The following ERC2 variants were observed in gnomAD, a reference collection of about 807,000 sequenced individuals.
The protein encoded by ERC2 is ERC protein 2.
A neutral mutation model predicts 114.8 loss-of-function variants in ERC2; 42 were observed. The observed-to-expected ratio is 0.37, with a 90% CI of 0.29 to 0.47. The LOEUF (loss-of-function observed/expected upper bound fraction) is 0.47. Among genes scored for constraint, ERC2 ranks in the 20% least tolerant of loss-of-function variants. ERC2 has a pLI of 0.99. For missense variants in ERC2, 939 were observed against 1,150.7 expected (o/e 0.82, Z 2.66); for synonymous variants, 454 against 425.5 (o/e 1.07, Z -0.82).
In ERC2 at chr3:56,080,806, C is replaced by A; in HGVS notation, c.1641+11G>T. On this transcript the variant is annotated intron_variant, in intron 7 of 17. Transcript: ENST00000288221. Reference sequence around the variant, plus strand: ...GATACCCCACTTGAAGGTCTTATGTCAGCTACTCACCTTTTTCTGAAGAAC... The same window carrying A: ...GATACCCCACTTGAAGGTCTTATGTAAGCTACTCACCTTTTTCTGAAGAAC... The A allele has an allele frequency of 6.2e-7, 1 of 1,612,192 alleles. No individual in the cohort carries two copies. The highest frequency in any genetic ancestry group is 1.1e-5 in the South Asian group (1 of 90,826).
intron 14 of ERC2, among the ~76,000 whole-genome samples, chr3:55,882,498 G>A (rs1432847447): frequency 6.6e-6 from 1 of 152,182 alleles, no homozygotes; most frequent in South Asian, 2.1e-4. Flanking sequence ...TTCCACATTT[G>A]TGGATTCAAT....
intron 17 of ERC2, among the ~76,000 whole-genome samples, chr3:55,601,062 C>T (rs944264682): frequency 1.3e-5 from 2 of 152,178 alleles, no homozygotes; most frequent in African/African-American, 2.4e-5. Flanking sequence ...GTAACACAAA[C>T]GAAGGAAGTG....
At chr3:56,063,842 G>A (rs1181097506) in intron 7 of ERC2, among the ~76,000 whole-genome samples, 1 of 152,158 alleles carries the variant, frequency 6.6e-6, no homozygotes, top group Non-Finnish European at 1.5e-5. Flanking sequence ...ATACTTCTCT[G>A]TACATACATA....
At chr3:56,011,659 C>A (rs188976253) in intron 8 of ERC2, among the ~76,000 whole-genome samples, 1 of 151,836 alleles carries the variant, frequency 6.6e-6, no homozygotes, top group Non-Finnish European at 1.5e-5. Context: ...ATTCCATCTG[C>A]GTAAAGCTTG....
chr3:56,073,760 T>G (rs1050824779), intron 7 of ERC2, among the ~76,000 whole-genome samples: 2 of 152,174 alleles, frequency 1.3e-5, no homozygotes, highest in African/African-American at 4.8e-5. Flanking sequence ...TCAAATCATC[T>G]TTTGAGGTCT....
At chr3:56,228,138 C>A (rs80337357) in intron 3 of ERC2, among the ~76,000 whole-genome samples, 2 of 152,118 alleles carry the variant, frequency 1.3e-5, no homozygotes, top group Non-Finnish European at 2.9e-5. Context: ...AGGAAACTTC[C>A]TATATTTTCA....
At chr3:55,716,689 C>T (rs2064139575) in intron 15 of ERC2, among the ~76,000 whole-genome samples, 2 of 152,148 alleles carry the variant, frequency 1.3e-5, no homozygotes, top group African/African-American at 2.4e-5. Flanking sequence ...CTCTGTGGAT[C>T]AACTGTCTGT....
chr3:55,704,265 C>T (rs1430860500), intron 15 of ERC2, among the ~76,000 whole-genome samples: 1 of 152,140 alleles, frequency 6.6e-6, no homozygotes. Context: ...GAGTGATAAA[C>T]ACATTGAATT....
chr3:55,978,748 A>C (rs1447024407), intron 12 of ERC2, among the ~76,000 whole-genome samples: 1 of 152,234 alleles, frequency 6.6e-6, no homozygotes, highest in African/African-American at 2.4e-5. Context: ...GTGCTATAGC[A>C]ATGATGATGT....
At chr3:55,680,794 A>G (rs1310302750) in intron 17 of ERC2, among the ~76,000 whole-genome samples, 1 of 152,218 alleles carries the variant, frequency 6.6e-6, no homozygotes, top group Non-Finnish European at 1.5e-5. Context: ...GCATAAGAAA[A>G]CAAGAGTGTG....
At chr3:56,369,488 TA>T (rs2059279698) in intron 2 of ERC2, among the ~76,000 whole-genome samples, 2 of 152,186 alleles carry the variant, frequency 1.3e-5, no homozygotes, top group African/African-American at 4.8e-5. Flanking sequence ...TACAATCTAT[TA>T]TTCAGACTCT....
At chr3:56,345,204 C>A (rs73832595) in intron 2 of ERC2, among the ~76,000 whole-genome samples, 2,996 of 152,236 alleles carry the variant, frequency 0.02, 104 homozygotes, top group African/African-American at 0.066. Flanking sequence ...ATCTGGTTTA[C>A]CCTCCCTGAA....
intron 7 of ERC2, among the ~76,000 whole-genome samples, chr3:56,065,167 TA>T (rs1174533400): frequency 6.6e-6 from 1 of 152,216 alleles, no homozygotes; most frequent in East Asian, 1.9e-4. Context: ...CATACATTTT[TA>T]AATAATCCGG....
intron 3 of ERC2, among the ~76,000 whole-genome samples, chr3:56,289,722 C>G (rs972344244): frequency 6.6e-6 from 1 of 152,200 alleles, no homozygotes; most frequent in African/African-American, 2.4e-5. Flanking sequence ...ACTGGTTCTA[C>G]CGTGGATGAA....
chr3:56,130,684 T>G (rs2080152205), intron 6 of ERC2, among the ~76,000 whole-genome samples: 1 of 152,214 alleles, frequency 6.6e-6, no homozygotes, highest in Non-Finnish European at 1.5e-5. Flanking sequence ...AAAAAGCTTT[T>G]ATGACAAACT....
intron 14 of ERC2, among the ~76,000 whole-genome samples, chr3:55,878,514 G>T (rs1051243332): frequency 2.6e-5 from 4 of 152,150 alleles, no homozygotes; most frequent in African/African-American, 9.7e-5. Context: ...TCCCACACTT[G>T]AAATTCTTAC....
intron 14 of ERC2, among the ~76,000 whole-genome samples, chr3:55,827,462 G>A (rs2060377442): frequency 6.6e-6 from 1 of 151,238 alleles, no homozygotes; most frequent in South Asian, 2.1e-4. Flanking sequence ...AAGAGAAGGG[G>A]GAAAAAGAGG....
At chr3:55,823,914 A>C (rs749927055) in intron 14 of ERC2, among the ~76,000 whole-genome samples, 1 of 152,162 alleles carries the variant, frequency 6.6e-6, no homozygotes, top group Non-Finnish European at 1.5e-5. Context: ...ATTTCTTCAC[A>C]GTCTGGAGGC....
At position 56,290,473 on chromosome 3, in the gene ERC2, G is replaced by A. The variant is rs371385079; in HGVS notation, c.1074+5546C>T. ...TTGTAAAAGATCGTGTATATAAAAT[G>A]TTATGTTTATATGTTTGGGAATAGT... is the stretch of plus-strand genomic sequence containing the variant. On this transcript the variant is annotated intron_variant, in intron 3 of 17. Transcript: ENST00000288221. Among the ~76,000 whole-genome samples, 230 of 152,270 alleles carry A rather than the reference G, an allele frequency of 1.5e-3. 6 individuals are homozygous for A. The South Asian group carries it at 0.034, about 23-fold the overall frequency.
Sources: allele counts gnomAD v4.1 joint callset (sites outside exome capture counted in the v4.1 genomes callset), GRCh38; gene constraint gnomAD v4.1.1; transcripts MANE v1.5; gene names NCBI Gene and HGNC (gene_info 2026-07-23, HGNC 2026-07-21).